The following CAST variants were observed in gnomAD, a reference collection of about 807,000 sequenced individuals.
CAST encodes the protein calpastatin.
In CAST, 76 loss-of-function variants were observed where a neutral mutation model predicts 119.6. That is an observed-to-expected ratio of 0.64 (90% confidence interval 0.53 to 0.77). CAST has a LOEUF of 0.77. Among genes scored for constraint, CAST ranks in the 30% least tolerant of loss-of-function variants. The probability of loss-of-function intolerance (pLI) is 0.00; values close to 1 mark genes in which losing one functional copy is unlikely to be tolerated. For synonymous variants in CAST, 319 were observed against 331.6 expected (o/e 0.96, Z 0.41); for missense variants, 953 against 946.5 (o/e 1.01, Z -0.09).
At chr5:95,961,884 C>T in the CAST span, 1 of 848,914 alleles carries the variant, frequency 1.2e-6, no homozygotes, top group Non-Finnish European at 1.7e-6. Context: ...GCCACCGCCG[C>T]CACCCGCCCC....
the CAST span, among the ~76,000 whole-genome samples, chr5:96,389,505 T>C: frequency 6.6e-6 from 1 of 152,138 alleles, no homozygotes. Flanking sequence ...GATTATGACT[T>C]AGGAGAAATG....
the CAST span, among the ~76,000 whole-genome samples, chr5:96,043,840 A>C: frequency 6.6e-6 from 1 of 152,304 alleles, no homozygotes; most frequent in South Asian, 2.1e-4. Flanking sequence ...ACACTTGACT[A>C]TGTGGCTGAA....
chr5:96,166,759 A>G, the CAST span, among the ~76,000 whole-genome samples: 7 of 152,324 alleles, frequency 4.6e-5, no homozygotes, highest in Middle Eastern at 6.8e-3. Context: ...CAAACTTCCT[A>G]TCCTCACTCA....
chr5:96,320,220 G>C, the CAST span, among the ~76,000 whole-genome samples: 2 of 146,932 alleles, frequency 1.4e-5, no homozygotes, highest in Non-Finnish European at 3.0e-5. Flanking sequence ...CTTTTGGAAA[G>C]GCTTTTGCTT....
chr5:96,684,665 C>A (rs1477082762), intron 2 of CAST, among the ~76,000 whole-genome samples: 2 of 151,616 alleles, frequency 1.3e-5, no homozygotes, highest in Non-Finnish European at 1.5e-5. Flanking sequence ...TGGGTTCAAG[C>A]GATTCTCCTG....
the CAST span, among the ~76,000 whole-genome samples, chr5:96,299,304 A>T: frequency 6.6e-6 from 1 of 151,932 alleles, no homozygotes; most frequent in Non-Finnish European, 1.5e-5. Context: ...ACAAACAAAA[A>T]ACATGTAATT....
chr5:96,655,006 C>A (rs1035372492), intron 1 of CAST, among the ~76,000 whole-genome samples: 12 of 152,166 alleles, frequency 7.9e-5, no homozygotes, highest in African/African-American at 2.9e-4. Flanking sequence ...TAGTTAATTT[C>A]TTGATGTATA....
the CAST span, among the ~76,000 whole-genome samples, chr5:95,979,393 C>T: frequency 6.6e-6 from 1 of 152,134 alleles, no homozygotes; most frequent in East Asian, 1.9e-4. Flanking sequence ...TTCAGTTACA[C>T]ATGACATATG....
intron 3 of CAST, among the ~76,000 whole-genome samples, chr5:96,712,923 C>T: frequency 6.6e-6 from 1 of 152,134 alleles, no homozygotes; most frequent in African/African-American, 2.4e-5. Flanking sequence ...CTTAAGATAT[C>T]CTCATATGTT....
the CAST span, among the ~76,000 whole-genome samples, chr5:96,273,188 A>G: frequency 6.6e-6 from 1 of 152,210 alleles, no homozygotes; most frequent in Admixed American, 6.5e-5. Context: ...AACTTGATGT[A>G]AATAAAATGA....
chr5:96,094,911 C>T, the CAST span, among the ~76,000 whole-genome samples: 1 of 152,194 alleles, frequency 6.6e-6, no homozygotes, highest in East Asian at 1.9e-4. Flanking sequence ...CTACAAAAGT[C>T]TTCCTTATAG....
chr5:96,167,197 G>C, the CAST span, among the ~76,000 whole-genome samples: 9 of 152,186 alleles, frequency 5.9e-5, no homozygotes, highest in African/African-American at 2.2e-4. Context: ...AGCCCTGCCA[G>C]CAAAGATTAT....
the CAST span, among the ~76,000 whole-genome samples, chr5:96,093,367 A>G: frequency 6.6e-6 from 1 of 152,254 alleles, no homozygotes; most frequent in African/African-American, 2.4e-5. Context: ...GTCCTGAAGA[A>G]TGAGTATGGC....
the CAST span, among the ~76,000 whole-genome samples, chr5:96,443,893 A>T: frequency 6.6e-6 from 1 of 152,234 alleles, no homozygotes; most frequent in Non-Finnish European, 1.5e-5. Context: ...GTGAAATATT[A>T]ATCTAGCATT....
chr5:96,430,818 TCCCCC>T, the CAST span, among the ~76,000 whole-genome samples: 1 of 152,194 alleles, frequency 6.6e-6, no homozygotes, highest in East Asian at 1.9e-4. Context: ...TAGATGGTTT[TCCCCC>T]ACTATTTGTT....
chr5:96,771,203 C>T (rs1200446285), intron 30 of CAST, among the ~76,000 whole-genome samples: 1 of 152,110 alleles, frequency 6.6e-6, no homozygotes, highest in Non-Finnish European at 1.5e-5. Context: ...AGTTTAAATA[C>T]TTATTTGCCT....
intron 17 of CAST, 102 bp downstream of exon 17, chr5:96,746,527 A>G: frequency 1.3e-6 from 1 of 786,178 alleles, no homozygotes; most frequent in Non-Finnish European, 2.3e-6. Context: ...TCTGTCCCCC[A>G]TTCAGATATT....
chr5:96,719,635 G>T (rs1757856661), intron 3 of CAST, among the ~76,000 whole-genome samples: 1 of 152,214 alleles, frequency 6.6e-6, no homozygotes. Context: ...GGGAGGGGTA[G>T]TATTTTGATA....
the CAST span, among the ~76,000 whole-genome samples, chr5:96,368,749 T>A: frequency 6.6e-6 from 1 of 152,128 alleles, no homozygotes; most frequent in Non-Finnish European, 1.5e-5. Context: ...TCCTTCATAT[T>A]GAGAGAATAT....
Sources: allele counts gnomAD v4.1 joint callset (sites outside exome capture counted in the v4.1 genomes callset), GRCh38; gene constraint gnomAD v4.1.1; transcripts MANE v1.5; gene names NCBI Gene and HGNC (gene_info 2026-07-23, HGNC 2026-07-21).